The following PPP1R3A variants were observed in gnomAD, a reference collection of about 807,000 sequenced individuals.
PPP1R3A encodes the protein RG1.
A neutral mutation model predicts 41.7 loss-of-function variants in PPP1R3A; 29 were observed. That is an observed-to-expected ratio of 0.70 (90% CI 0.52 to 0.95). The LOEUF is 0.95. PPP1R3A is among the 40% of genes least tolerant of loss of function. PPP1R3A has a pLI of 0.00. For synonymous variants in PPP1R3A, 485 were observed against 453.4 expected, an observed-to-expected ratio of 1.07 and a Z score of -0.89; for missense variants, 1,352 against 1,292.4, an observed-to-expected ratio of 1.05 and a Z score of -0.71.
chr7:113,895,056 T>C (rs1796955511), intron 1 of PPP1R3A, among the ~76,000 whole-genome samples: 1 of 151,942 alleles, frequency 6.6e-6, no homozygotes, highest in Non-Finnish European at 1.5e-5. Context: ...GCTCACAGCA[T>C]CAAACTGCAG....
At chr7:113,910,121 T>C (rs1182247619) in intron 1 of PPP1R3A, among the ~76,000 whole-genome samples, 2 of 151,996 alleles carry the variant, frequency 1.3e-5, no homozygotes, top group African/African-American at 4.8e-5. Flanking sequence ...ACGAGATTTA[T>C]TCACTACCAC....
intron 1 of PPP1R3A, among the ~76,000 whole-genome samples, chr7:113,896,657 A>G (rs1020529178): frequency 6.6e-6 from 1 of 151,814 alleles, no homozygotes; most frequent in African/African-American, 2.4e-5. Flanking sequence ...GAGCAGAGAA[A>G]GGCCCAAGAG....
intron 1 of PPP1R3A, among the ~76,000 whole-genome samples, chr7:113,894,558 C>A (rs185286800): frequency 1.3e-5 from 2 of 152,074 alleles, no homozygotes; most frequent in East Asian, 1.9e-4. Context: ...AATTTCCTCA[C>A]AACGTAAGTG....
At chr7:113,904,452 A>T (rs942131345) in intron 1 of PPP1R3A, among the ~76,000 whole-genome samples, 3 of 151,800 alleles carry the variant, frequency 2.0e-5, no homozygotes, top group Admixed American at 6.6e-5. Context: ...TGTAATAGCA[A>T]ATTCTAAATT....
intron 1 of PPP1R3A, among the ~76,000 whole-genome samples, chr7:113,890,080 TA>T (rs34390564): frequency 0.013 from 1,937 of 146,368 alleles, 40 homozygotes; most frequent in African/African-American, 0.047. Context: ...ACTTTATCAG[TA>T]AAAAAAAAAA....
chr7:113,899,215 A>G lies in PPP1R3A; in HGVS notation c.783-16895T>C, dbSNP rs1444337620. Among the ~76,000 whole-genome samples the G allele has an allele frequency of 3.3e-5, 5 of 151,780 alleles. No individual in the cohort carries two copies. The East Asian group carries it at 9.7e-4, about 30-fold the overall frequency. ...CAATTCAAGCTGAGTTCAGTTCATGATGTACCCCACTTACTTATTGCAGTA... is the reference window on the plus strand; with the variant it reads ...CAATTCAAGCTGAGTTCAGTTCATGGTGTACCCCACTTACTTATTGCAGTA... On this transcript the variant is annotated intron_variant, in intron 1 of 3. Coordinates refer to ENST00000284601, the MANE Select transcript of PPP1R3A (RefSeq NM_002711.4).
rs764900818 is a variant in PPP1R3A, at chr7:113,918,236, C to T, written c.761G>A (p.Gly254Asp). The T allele has an allele frequency of 6.2e-7, 1 of 1,602,444 alleles. No individual in the cohort carries two copies. Among genetic ancestry groups the T allele is most frequent in the East Asian group, 2.2e-5 (1 of 44,736 alleles). Reference protein sequence around the residue: ...WKEVPNRQIKGCLKVKSSKEE... With the variant: ...WKEVPNRQIKDCLKVKSSKEE... ...TCACCTTGATTTTACCTTTAAGCAG[C>T]CTTTTATTTGTCTGTTAGGAACTTC... The change falls in exon 1 of 4, where the codon GGC (glycine) becomes GAC (aspartate). Residue 254 changes from glycine (G) to aspartate (D), a missense_variant. Gly to Asp is a moderately conservative substitution (Grantham distance 94). Transcript: ENST00000284601.
chr7:113,881,058 G>A (rs1217307376), intron 3 of PPP1R3A, among the ~76,000 whole-genome samples: 1 of 151,864 alleles, frequency 6.6e-6, no homozygotes, highest in Admixed American at 6.6e-5. Flanking sequence ...ATTTTTCAGG[G>A]CCCTTTCATT....
intron 1 of PPP1R3A, among the ~76,000 whole-genome samples, chr7:113,904,077 G>C (rs1797107266): frequency 6.6e-6 from 1 of 151,456 alleles, no homozygotes; most frequent in South Asian, 2.1e-4. Flanking sequence ...ACTCTATTTG[G>C]TAAATACCAT....
chr7:113,900,811 C>T (rs976488451), intron 1 of PPP1R3A, among the ~76,000 whole-genome samples: 2 of 148,518 alleles, frequency 1.3e-5, no homozygotes, highest in African/African-American at 2.5e-5. Flanking sequence ...TATATATACT[C>T]CTAATTTTAT....
At chr7:113,910,836 A>G (rs909068319) in intron 1 of PPP1R3A, among the ~76,000 whole-genome samples, 1 of 152,142 alleles carries the variant, frequency 6.6e-6, no homozygotes, top group Non-Finnish European at 1.5e-5. Context: ...GATGGTGTCA[A>G]TGGGCTAAGA....
In PPP1R3A at chr7:113,882,102, A is replaced by G. The variant is rs1392621042; in HGVS notation, c.903T>C (p.Asn301=). The change falls in exon 3 of 4, where the codon AAT becomes AAC. Residue 301 remains asparagine (N), a synonymous_variant. Coordinates refer to ENST00000284601, the MANE Select transcript of PPP1R3A (RefSeq NM_002711.4). ...HEDKEDLEAS[N]RNVKDVNREH... ...CCCTGTTTACATCTTTTACATTTCG[A>G]TTACTGGCTTCCAAATCTTCCTTGT... 2.5e-6 allele frequency: 4 copies of G among 1,612,078 alleles called. No individual in the cohort carries two copies. The highest frequency in any genetic ancestry group is 3.4e-6 in the Non-Finnish European group (4 of 1,178,568).
Position 113,885,818 on chromosome 7 carries a change from GC to G in PPP1R3A, c.783-3499del, listed in dbSNP as rs549140611. 7.8e-3 allele frequency among the ~76,000 whole-genome samples: 1,157 copies of G among 147,518 alleles called. 4 individuals carry two copies. Among genetic ancestry groups the G allele is most frequent in the Non-Finnish European group, 0.012 (789 of 67,134 alleles). On this transcript the variant is annotated intron_variant, in intron 1 of 3. Transcript: ENST00000284601. ...ATACCTATATATGTAAACGACCCTT[GC>G]CATATATATTATAAATTAAAGTTAT...
rs538132843 is a variant in PPP1R3A at position 113,888,281 on chromosome 7, G to A, written c.783-5961C>T. Among the ~76,000 whole-genome samples the A allele has an allele frequency of 6.6e-5, 10 of 152,210 alleles. No individual in the cohort carries two copies. In the East Asian group the frequency reaches 1.5e-3, roughly 24 times the overall value. On this transcript the variant is annotated intron_variant, in intron 1 of 3. Transcript: ENST00000284601. ...TTACATTTACCAACGTATTTCTGGA[G>A]GTAATGTAGAGGAGAAACTGGACGG...
intron 1 of PPP1R3A, among the ~76,000 whole-genome samples, chr7:113,912,889 AAGG>A (rs1797274710): frequency 6.6e-6 from 1 of 152,008 alleles, no homozygotes. Flanking sequence ...AGACACCCTG[AAGG>A]AGGATACCCT....
chr7:113,884,087 C>T lies in PPP1R3A; in HGVS notation c.783-1767G>A, dbSNP rs544982926. Among the ~76,000 whole-genome samples, 22 of 151,578 alleles carry T rather than the reference C, an allele frequency of 1.5e-4. 1 individual carries two copies. The highest frequency in any genetic ancestry group is 5.3e-4 in the Admixed American group (8 of 15,176). Reference sequence around the variant, plus strand: ...TATCTATAAACAAAAACAGAAAATACGTAAGATTTCTATGGGCAAAGTAAT... The same window carrying T: ...TATCTATAAACAAAAACAGAAAATATGTAAGATTTCTATGGGCAAAGTAAT... On this transcript the variant is annotated intron_variant, in intron 1 of 3. Transcript: ENST00000284601.
In PPP1R3A at chr7:113,877,663, C is replaced by G; in HGVS notation, c.*60G>C. 1 of 1,486,702 alleles carries G rather than the reference C, an allele frequency of 6.7e-7. No homozygotes were observed. Among genetic ancestry groups the G allele is most frequent in the South Asian group, 1.4e-5 (1 of 71,864 alleles). The allele number at this position is 1,486,702 out of a possible 1,614,324, so 92.1% of individuals were successfully genotyped here. On this transcript the variant is annotated 3_prime_UTR_variant, in exon 4 of 4. Transcript: ENST00000284601. ...TTTGAACAATGAATAGTCCCATTCA[C>G]CAATCCAAATGTTTGGGGTTAAATA...
intron 3 of PPP1R3A, among the ~76,000 whole-genome samples, chr7:113,881,734 C>T (rs1796698449): frequency 6.6e-6 from 1 of 151,928 alleles, no homozygotes; most frequent in Admixed American, 6.6e-5. Flanking sequence ...ATACACTTGT[C>T]ACAAAGATTA....
In PPP1R3A at chr7:113,878,005, T is replaced by C; in HGVS notation, c.3087A>G (p.Glu1029=). ...GTGATTGCCCAGAGCTTACTAATCC[T>C]TCATTTTCATGCCTTGCTTCTTCCA... is the stretch of plus-strand genomic sequence containing the variant. ...ENMEEARHEN[E]GLVSSGQSLY... The change falls in exon 4 of 4, where the codon GAA becomes GAG. Residue 1029 remains glutamate (E), a synonymous_variant. Transcript: ENST00000284601. 1 of 1,613,330 alleles carries C rather than the reference T, an allele frequency of 6.2e-7. No individual in the cohort carries two copies. Among genetic ancestry groups the C allele is most frequent in the Non-Finnish European group, 8.5e-7 (1 of 1,179,602 alleles).
Sources: gnomAD v4.1 joint callset for allele counts (sites outside exome capture counted in the v4.1 genomes callset) on GRCh38, gnomAD v4.1.1 for gene constraint, MANE v1.5 for transcripts, NCBI Gene and HGNC (gene_info 2026-07-23, HGNC 2026-07-21) for gene names.